The following RNF19A variants were observed in gnomAD, a reference collection of about 807,000 sequenced individuals.
The protein encoded by RNF19A is E3 ubiquitin-protein ligase RNF19A.
A neutral mutation model predicts 75.7 loss-of-function variants in RNF19A; 32 were observed. The ratio of observed to expected loss-of-function variants is 0.42; its 90% CI spans 0.32 to 0.57. The LOEUF is 0.57. Ranked by LOEUF, RNF19A falls within the 20% of genes least tolerant of loss-of-function variation. The probability of loss-of-function intolerance (pLI) is 0.10; values close to 1 mark genes in which losing one functional copy is unlikely to be tolerated. For synonymous variants in RNF19A, 335 were observed against 345.2 expected (o/e 0.97, Z 0.33); for missense variants, 782 against 1,036.3 (o/e 0.75, Z 3.37).
chr8:100,296,036 C>A (rs908783504), intron 1 of RNF19A, among the ~76,000 whole-genome samples: 1 of 152,144 alleles, frequency 6.6e-6, no homozygotes, highest in Non-Finnish European at 1.5e-5. Context: ...ATTGATTCCC[C>A]AACATAACTA....
At position 100,259,306 on chromosome 8, in the gene RNF19A, T is replaced by A; in HGVS notation, c.1827-60A>T. On this transcript the variant is annotated intron_variant, in intron 9 of 9. Transcript: ENST00000341084. This position sits in a 1 kb window ranked among gnomAD's most constrained non-coding sequence, Gnocchi z 4.5. ...GCTGACTTCTTTTTGTTCAGATGAC[T>A]GGGGGAAGGGTTTCTATGTGGAAAA... 2 of 1,384,834 alleles carry A rather than the reference T, an allele frequency of 1.4e-6. No individual in the cohort carries two copies. Among genetic ancestry groups the A allele is most frequent in the Non-Finnish European group, 2.0e-6 (2 of 1,007,794 alleles). The allele number at this position is 1,384,834 out of a possible 1,614,324, so 85.8% of individuals were successfully genotyped here.
intron 1 of RNF19A, among the ~76,000 whole-genome samples, chr8:100,326,877 G>T (rs1209713895): frequency 6.6e-6 from 1 of 152,140 alleles, no homozygotes; most frequent in Non-Finnish European, 1.5e-5. Flanking sequence ...CTCAGAATTG[G>T]CAAGGTTTAT....
intron 3 of RNF19A, among the ~76,000 whole-genome samples, 171 bp downstream of exon 3, chr8:100,274,782 A>G (rs562989748): frequency 6.6e-6 from 1 of 152,296 alleles, no homozygotes; most frequent in South Asian, 2.1e-4. Flanking sequence ...TAATCTTTCT[A>G]ATTTCAGAAC....
intron 1 of RNF19A, among the ~76,000 whole-genome samples, chr8:100,335,435 C>T (rs867503127): frequency 1.9e-4 from 29 of 152,130 alleles, no homozygotes; most frequent in Non-Finnish European, 3.4e-4. Context: ...GATATCTACT[C>T]AACAACTTCC....
rs1188594330 is a variant in RNF19A, at chr8:100,264,601, A to G, written c.1306+70T>C. 1 of 1,038,578 alleles carries G rather than the reference A, an allele frequency of 9.6e-7. No homozygotes were observed. Among genetic ancestry groups the G allele is most frequent in the Non-Finnish European group, 1.5e-6 (1 of 686,404 alleles). 64.3% of individuals were successfully genotyped at this position (1,038,578 alleles called of 1,614,324 possible). ...TGTCCTCAAATTAAAAAACAATTAA[A>G]AAAAATCCTTCCACAAAACTTTAAC... On this transcript the variant is annotated intron_variant, in intron 6 of 9. Coordinates refer to ENST00000341084, the MANE Select transcript of RNF19A (RefSeq NM_183419.4). This position sits in a 1 kb window ranked among gnomAD's most constrained non-coding sequence, Gnocchi z 4.7.
At chr8:100,294,174 G>A (rs1032582192) in intron 1 of RNF19A, among the ~76,000 whole-genome samples, 6 of 152,134 alleles carry the variant, frequency 3.9e-5, no homozygotes, top group African/African-American at 1.4e-4. Flanking sequence ...TGGATATTGT[G>A]GATATCTTAT....
chr8:100,292,176 G>A (rs929596083), intron 1 of RNF19A, among the ~76,000 whole-genome samples: 1 of 151,904 alleles, frequency 6.6e-6, no homozygotes, highest in African/African-American at 2.4e-5. Flanking sequence ...TTAAACTTCA[G>A]CACATGCTTA....
At chr8:100,320,616 A>G (rs527619122) in intron 1 of RNF19A, among the ~76,000 whole-genome samples, 2 of 152,340 alleles carry the variant, frequency 1.3e-5, no homozygotes, top group African/African-American at 4.8e-5. Flanking sequence ...TATCAGGGTG[A>G]TGAATGCCCA....
rs1822408267 is a variant in RNF19A at position 100,317,994 on chromosome 8, A to C, written c.-242-4622T>G. ...ATAGGGCCTAGAACACCCCCTCCCC[A>C]CCCTCTCCAGCCCCTGACCCCATGC... On this transcript the variant is annotated intron_variant, in intron 1 of 3. Transcript: ENST00000519527. The surrounding 1 kb of genome is among the most constrained non-coding windows in gnomAD (Gnocchi z 4.3). Among the ~76,000 whole-genome samples, 19 of 149,160 alleles carry C rather than the reference A, an allele frequency of 1.3e-4. No individual in the cohort carries two copies. The highest frequency in any genetic ancestry group is 3.5e-4 in the African/African-American group (14 of 40,232).
chr8:100,291,400 C>T (rs371157088), intron 1 of RNF19A, among the ~76,000 whole-genome samples: 3 of 152,178 alleles, frequency 2.0e-5, no homozygotes, highest in Non-Finnish European at 4.4e-5. Context: ...TTAAGCCATA[C>T]GGCCTTACTA....
chr8:100,275,229 C>A lies in RNF19A; in HGVS notation c.675-68G>T. The A allele has an allele frequency of 1.5e-6, 2 of 1,361,064 alleles. No individual in the cohort carries two copies. The highest frequency in any genetic ancestry group is 2.1e-6 in the Non-Finnish European group (2 of 962,150). The allele number at this position is 1,361,064 out of a possible 1,614,324, so 84.3% of individuals were successfully genotyped here. On this transcript the variant is annotated intron_variant, in intron 2 of 9. Transcript: ENST00000341084. The surrounding 1 kb of genome is among the most constrained non-coding windows in gnomAD (Gnocchi z 4.3). Reference sequence around the variant, plus strand: ...AAGAGATACTCATTTCAAAAAGTATCCAACTAAAGATTATTCCTGAAAAAC... The same window carrying A: ...AAGAGATACTCATTTCAAAAAGTATACAACTAAAGATTATTCCTGAAAAAC...
intron 2 of RNF19A, among the ~76,000 whole-genome samples, chr8:100,278,519 C>T (rs1358902656): frequency 1.3e-5 from 2 of 152,076 alleles, no homozygotes; most frequent in Non-Finnish European, 2.9e-5. Context: ...TAGGTACATG[C>T]TTAACTTTCA....
chr8:100,297,542 T>C (rs1236072790), intron 1 of RNF19A, among the ~76,000 whole-genome samples: 1 of 152,192 alleles, frequency 6.6e-6, no homozygotes, highest in African/African-American at 2.4e-5. Context: ...TATAATAATG[T>C]ATGCCCTTTC....
In RNF19A at chr8:100,260,961, G is replaced by C. The variant is rs1019202462; in HGVS notation, c.1682+581C>G. Among the ~76,000 whole-genome samples, 1 of 152,208 alleles carries C rather than the reference G, an allele frequency of 6.6e-6. No homozygotes were observed. Among genetic ancestry groups the C allele is most frequent in the Non-Finnish European group, 1.5e-5 (1 of 68,050 alleles). Reference sequence around the variant, plus strand: ...TGGCTGTTGTTACCCACAGAGGTAAGATCTAGGCTTAAGTACTGCCTTTGC... The same window carrying C: ...TGGCTGTTGTTACCCACAGAGGTAACATCTAGGCTTAAGTACTGCCTTTGC... On this transcript the variant is annotated intron_variant, in intron 8 of 9. Coordinates refer to ENST00000341084, the MANE Select transcript of RNF19A (RefSeq NM_183419.4). This position sits in a 1 kb window ranked among gnomAD's most constrained non-coding sequence, Gnocchi z 4.1.
chr8:100,300,642 G>A (rs1280342729), intron 1 of RNF19A: 2 of 151,854 alleles, frequency 1.3e-5, no homozygotes, highest in Non-Finnish European at 1.5e-5. Flanking sequence ...GACACAGTGA[G>A]GCCCTGTCTC....
At chr8:100,292,439 T>G (rs73696627) in intron 1 of RNF19A, among the ~76,000 whole-genome samples, 53 of 143,168 alleles carry the variant, frequency 3.7e-4, no homozygotes, top group African/African-American at 5.4e-4. Context: ...CATATGGGTG[T>G]GTGTGTGTGT....
intron 1 of RNF19A, among the ~76,000 whole-genome samples, chr8:100,291,967 CTTTTTT>C (rs56737985): frequency 3.0e-5 from 3 of 99,986 alleles, no homozygotes; most frequent in South Asian, 3.6e-4. Context: ...AGGACTAAGT[CTTTTTT>C]TTTTTTTTTT....
chr8:100,274,928 A>G, intron 3 of RNF19A, 25 bp downstream of exon 3: 9 of 1,541,638 alleles, frequency 5.8e-6, no homozygotes, highest in Non-Finnish European at 8.0e-6. Context: ...CAAATATTTT[A>G]TTAGAAAAAA....
chr8:100,263,247 T>C (rs933933051), intron 7 of RNF19A, among the ~76,000 whole-genome samples: 3 of 152,122 alleles, frequency 2.0e-5, no homozygotes, highest in Non-Finnish European at 4.4e-5. Flanking sequence ...TGAGACGGAC[T>C]GGCCAGGAAA....
Sources: gnomAD v4.1 joint callset for allele counts (sites outside exome capture counted in the v4.1 genomes callset) on GRCh38, gnomAD v4.1.1 for gene constraint, Gnocchi (gnomAD v3.1) non-coding constraint, MANE v1.5 for transcripts, NCBI Gene and HGNC (gene_info 2026-07-23, HGNC 2026-07-21) for gene names.